The following PDGFD variants were observed in gnomAD, a reference collection of about 807,000 sequenced individuals.
The protein encoded by PDGFD is platelet derived growth factor D.
A neutral mutation model predicts 44.7 loss-of-function variants in PDGFD; 30 were observed. The observed-to-expected ratio is 0.67, with a 90% confidence interval of 0.50 to 0.91. The LOEUF (loss-of-function observed/expected upper bound fraction) is 0.91, where lower values mean the gene tolerates loss of function less well. Ranked by LOEUF, PDGFD falls within the 40% of genes least tolerant of loss-of-function variation. The probability of loss-of-function intolerance (pLI) is 0.00; values close to 1 mark genes in which losing one functional copy is unlikely to be tolerated. For synonymous variants in PDGFD, 173 were observed against 168.4 expected, an observed-to-expected ratio of 1.03 and a Z score of -0.21; for missense variants, 445 against 457.8, an observed-to-expected ratio of 0.97 and a Z score of 0.25.
chr11:104,070,062 A>G (rs1033839907), intron 1 of PDGFD, among the ~76,000 whole-genome samples: 1 of 152,172 alleles, frequency 6.6e-6, no homozygotes, highest in Non-Finnish European at 1.5e-5. Context: ...ACATGTCCCC[A>G]TCATTCTTTG....
Position 104,089,621 on chromosome 11 carries a change from T to G in PDGFD, c.124+74183A>C, listed in dbSNP as rs545032449. On this transcript the variant is annotated intron_variant, in intron 1 of 6. Coordinates refer to ENST00000393158, the MANE Select transcript of PDGFD (RefSeq NM_025208.5). ...TATATCAATTGATCTTGATCAGCCC[T>G]CATGGAAAGTTATGATATCCACTTT... is the stretch of plus-strand genomic sequence containing the variant. 1.2e-4 allele frequency among the ~76,000 whole-genome samples: 18 copies of G among 152,312 alleles called. No homozygotes were observed. The East Asian group carries it at 2.1e-3, about 18-fold the overall frequency.
At chr11:104,000,461 C>A (rs933502053) in intron 1 of PDGFD, among the ~76,000 whole-genome samples, 1 of 152,106 alleles carries the variant, frequency 6.6e-6, no homozygotes, top group Non-Finnish European at 1.5e-5. Flanking sequence ...CTGAGATACT[C>A]AATAAAGACT....
At chr11:104,013,900 G>A (rs545857524) in intron 1 of PDGFD, among the ~76,000 whole-genome samples, 1 of 151,950 alleles carries the variant, frequency 6.6e-6, no homozygotes, top group African/African-American at 2.4e-5. Flanking sequence ...ATGGTGCTGA[G>A]CTACCAAAAA....
chr11:103,975,973 T>C (rs1477872967), intron 3 of PDGFD, among the ~76,000 whole-genome samples: 3 of 152,250 alleles, frequency 2.0e-5, no homozygotes, highest in Non-Finnish European at 1.5e-5. Context: ...GTCTTGGCTA[T>C]ATGGGCTCTT....
At position 104,059,840 on chromosome 11, in the gene PDGFD, A is replaced by G. The variant is rs148040529; in HGVS notation, c.125-59585T>C. On this transcript the variant is annotated intron_variant, in intron 1 of 6. Coordinates refer to ENST00000393158, the MANE Select transcript of PDGFD (RefSeq NM_025208.5). Reference sequence around the variant, plus strand: ...TAAAATGAGAACAGGATCTTAGCTTATATATCTTGATTTTCCTAACCTCTA... The same window carrying G: ...TAAAATGAGAACAGGATCTTAGCTTGTATATCTTGATTTTCCTAACCTCTA... Among the ~76,000 whole-genome samples, 1,072 of 152,338 alleles carry G rather than the reference A, an allele frequency of 7.0e-3. 6 individuals are homozygous for G. The highest frequency in any genetic ancestry group is 0.023 in the African/African-American group (958 of 41,570).
chr11:104,159,147 C>T (rs968117040), intron 1 of PDGFD, among the ~76,000 whole-genome samples: 1 of 125,206 alleles, frequency 8.0e-6, no homozygotes. Flanking sequence ...GAGGCAGACT[C>T]CATCTCAAAA....
At chr11:104,142,095 G>A (rs1862093580) in intron 1 of PDGFD, among the ~76,000 whole-genome samples, 1 of 151,990 alleles carries the variant, frequency 6.6e-6, no homozygotes, top group South Asian at 2.1e-4. Context: ...CCATATTAAT[G>A]ATAATACATA....
intron 5 of PDGFD, among the ~76,000 whole-genome samples, chr11:103,927,656 TAATC>T (rs1412044536): frequency 6.6e-6 from 1 of 152,224 alleles, no homozygotes; most frequent in African/African-American, 2.4e-5. Context: ...ACTTCAAAGT[TAATC>T]AACATGTTAG....
intron 1 of PDGFD, among the ~76,000 whole-genome samples, chr11:104,046,481 A>G (rs2134402975): frequency 6.8e-6 from 1 of 147,870 alleles, no homozygotes; most frequent in Admixed American, 6.8e-5. Context: ...CTTGTACTCC[A>G]AAACAATAAT....
intron 1 of PDGFD, among the ~76,000 whole-genome samples, chr11:104,026,093 G>A (rs1440565307): frequency 2.0e-5 from 3 of 152,180 alleles, no homozygotes; most frequent in Non-Finnish European, 4.4e-5. Context: ...AGCCATGGCT[G>A]TAACACTATC....
In PDGFD at chr11:103,926,185, C is replaced by A. The variant is rs139154606; in HGVS notation, c.987+727G>T. The stretch of plus-strand genomic sequence containing the variant: ...ATCCTCTTAGGGCTCAGTTTACTCA[C>A]CTATAAAAAAAGAATAAAAATAGTG... On this transcript the variant is annotated intron_variant, in intron 6 of 6. Coordinates refer to ENST00000393158, the MANE Select transcript of PDGFD (RefSeq NM_025208.5). Among the ~76,000 whole-genome samples, 1,085 of 152,154 alleles carry A rather than the reference C, an allele frequency of 7.1e-3. 18 individuals are homozygous for A. The highest frequency in any genetic ancestry group is 0.024 in the African/African-American group (999 of 41,516).
chr11:104,109,394 G>C (rs1861518410), intron 1 of PDGFD, among the ~76,000 whole-genome samples: 1 of 152,072 alleles, frequency 6.6e-6, no homozygotes, highest in Non-Finnish European at 1.5e-5. Context: ...GGTTACTGAA[G>C]TGATCAAATG....
At position 104,091,119 on chromosome 11, in the gene PDGFD, T is replaced by C. The variant is rs558420301; in HGVS notation, c.124+72685A>G. 9.2e-5 allele frequency among the ~76,000 whole-genome samples: 14 copies of C among 152,256 alleles called. 1 individual carries two copies. The South Asian group carries it at 2.7e-3, about 29-fold the overall frequency. ...TAGGTCTAAGAGGAAGCATGGTAAATTAAAATAGAGTCTCTGACAGTATTT... is the reference window on the plus strand; with the variant it reads ...TAGGTCTAAGAGGAAGCATGGTAAACTAAAATAGAGTCTCTGACAGTATTT... On this transcript the variant is annotated intron_variant, in intron 1 of 6. Transcript: ENST00000393158.
At chr11:103,993,584 A>C (rs969466621) in intron 3 of PDGFD, among the ~76,000 whole-genome samples, 1 of 152,052 alleles carries the variant, frequency 6.6e-6, no homozygotes, top group African/African-American at 2.4e-5. Context: ...CTGGTCTCTT[A>C]AGTTTATAAA....
intron 4 of PDGFD, among the ~76,000 whole-genome samples, chr11:103,947,069 G>A (rs1214284042): frequency 6.6e-6 from 1 of 152,192 alleles, no homozygotes; most frequent in Non-Finnish European, 1.5e-5. Flanking sequence ...AACAAGGTCT[G>A]TTCTTTCTGT....
chr11:104,139,755 C>CTCGTCTGTCTGAACGA (rs1591183218), intron 1 of PDGFD, among the ~76,000 whole-genome samples: 1 of 86,076 alleles, frequency 1.2e-5, no homozygotes. Flanking sequence ...TAATAAATAA[C>CTCGTCTGTCTGAACGA]GGCCGGGCGC....
At chr11:104,074,045 A>C (rs567132643) in intron 1 of PDGFD, among the ~76,000 whole-genome samples, 2 of 152,278 alleles carry the variant, frequency 1.3e-5, no homozygotes, top group African/African-American at 2.4e-5. Context: ...GGCAAACTTG[A>C]TATAGCAGAG....
chr11:103,996,174 T>C lies in PDGFD; in HGVS notation c.401A>G (p.Lys134Arg). The change falls in exon 3 of 7, where the codon AAG becomes AGG. Residue 134 changes from lysine to arginine, a missense_variant. Lys to Arg is a conservative substitution (Grantham distance 26). Transcript: ENST00000393158. Reference protein sequence around the residue: ...TIIRGRWCGHKEVPPRIKSRT... With the variant: ...TIIRGRWCGHREVPPRIKSRT... ...TGATTTTATCCTTGGAGGAACTTCC[T>C]TGTGTCCACACCATCGTCCTCTAAT... is the stretch of plus-strand genomic sequence containing the variant. 1 of 1,613,620 alleles carries C rather than the reference T, an allele frequency of 6.2e-7. No homozygotes were observed. Among genetic ancestry groups the C allele is most frequent in the Non-Finnish European group, 8.5e-7 (1 of 1,179,644 alleles).
intron 3 of PDGFD, among the ~76,000 whole-genome samples, chr11:103,988,039 G>A (rs752333356): frequency 6.6e-6 from 1 of 152,108 alleles, no homozygotes; most frequent in Non-Finnish European, 1.5e-5. Flanking sequence ...ATAAGTGAAC[G>A]ATAGGTGGAG....
Sources: gnomAD v4.1 joint callset for allele counts (sites outside exome capture counted in the v4.1 genomes callset) on GRCh38, gnomAD v4.1.1 for gene constraint, MANE v1.5 for transcripts, NCBI Gene and HGNC (gene_info 2026-07-23, HGNC 2026-07-21) for gene names.